Variants in SORBS2 observed in about 807,000 individuals in gnomAD.
SORBS2 encodes sorbin and SH3 domain containing 2.
Under a neutral mutation model 97.7 loss-of-function variants are expected in SORBS2, and 46 were observed. The ratio of observed to expected loss-of-function variants is 0.47; its 90% CI spans 0.37 to 0.60. The LOEUF is 0.60. Among genes scored for constraint, SORBS2 ranks in the 20% least tolerant of loss-of-function variants. SORBS2 has a pLI of 0.00. For synonymous variants in SORBS2, 476 were observed against 473.4 expected (o/e 1.01, Z -0.07); for missense variants, 1,316 against 1,282.3 (o/e 1.03, Z -0.40).
At chr4:185,883,420 A>T (rs544115633) in intron 1 of SORBS2, among the ~76,000 whole-genome samples, 5 of 152,332 alleles carry the variant, frequency 3.3e-5, no homozygotes, top group Non-Finnish European at 7.3e-5. Flanking sequence ...TTCTCATAAC[A>T]CTGCTTGTGG....
At chr4:185,729,548 G>A (rs1480689258) in intron 2 of SORBS2, among the ~76,000 whole-genome samples, 7 of 152,192 alleles carry the variant, frequency 4.6e-5, no homozygotes, top group Non-Finnish European at 2.9e-5. Flanking sequence ...CTGTGTACTC[G>A]AGGTCAGTTA....
At chr4:185,656,520 AG>A in intron 1 of SORBS2, 1 of 778,398 alleles carries the variant, frequency 1.3e-6, no homozygotes. Flanking sequence ...TCTGCATTCC[AG>A]GGGAGCAGCT....
At position 185,752,696 on chromosome 4, in the gene SORBS2, A is replaced by G. The variant is rs147818594; in HGVS notation, c.-198+22531T>C. Among the ~76,000 whole-genome samples, 4 of 152,380 alleles carry G rather than the reference A, an allele frequency of 2.6e-5. No individual in the cohort carries two copies. In the East Asian group the frequency reaches 7.7e-4, roughly 29 times the overall value. On this transcript the variant is annotated intron_variant, in intron 2 of 20. Transcript: ENST00000284776. ...TGACATGCTAAGCACAGTCCTTTAC[A>G]GAAATAATTCAGATAGAATAAGTGG...
At chr4:185,630,621 C>A (rs1373647379) in intron 4 of SORBS2, 23 bp from the exon 17 acceptor site, 1 of 1,544,956 alleles carries the variant, frequency 6.5e-7, no homozygotes, top group African/African-American at 1.4e-5. Flanking sequence ...GATAATAGTA[C>A]CATGAAAAAT....
intron 2 of SORBS2, among the ~76,000 whole-genome samples, chr4:185,688,489 T>G (rs1228231587): frequency 7.2e-6 from 1 of 139,418 alleles, no homozygotes; most frequent in East Asian, 2.0e-4. Context: ...TCTATCTGTC[T>G]ATTGATAGAT....
chr4:185,724,145 G>T (rs1460647057), intron 2 of SORBS2, among the ~76,000 whole-genome samples: 1 of 152,070 alleles, frequency 6.6e-6, no homozygotes, highest in Non-Finnish European at 1.5e-5. Context: ...AAGAAGCTTA[G>T]TATGAAAAAG....
At chr4:185,702,905 A>G (rs2098285215) in intron 2 of SORBS2, among the ~76,000 whole-genome samples, 1 of 152,218 alleles carries the variant, frequency 6.6e-6, no homozygotes, top group Non-Finnish European at 1.5e-5. Context: ...TGCTACTGTC[A>G]TGATTGTACA....
chr4:185,651,791 G>T, intron 2 of SORBS2: 1 of 1,505,096 alleles, frequency 6.6e-7, no homozygotes, highest in Non-Finnish European at 9.2e-7. Flanking sequence ...TACCTGCATT[G>T]TATGTATAAG....
intron 1 of SORBS2, among the ~76,000 whole-genome samples, chr4:185,920,377 T>C (rs767896136): frequency 4.6e-5 from 7 of 152,178 alleles, no homozygotes; most frequent in Non-Finnish European, 1.0e-4. Context: ...TCCAGTCATA[T>C]ATTACACATC....
intron 1 of SORBS2, chr4:185,656,601 G>C: frequency 6.5e-7 from 1 of 1,534,702 alleles, no homozygotes; most frequent in Non-Finnish European, 8.8e-7. Flanking sequence ...TCCCCGCATG[G>C]CCCCCAACTT....
intron 1 of SORBS2, among the ~76,000 whole-genome samples, chr4:185,857,369 T>A (rs2099221076): frequency 6.6e-6 from 1 of 152,216 alleles, no homozygotes; most frequent in Non-Finnish European, 1.5e-5. Context: ...CTTAATCCCA[T>A]CATCTTCGTA....
At chr4:185,863,759 C>T (rs2099225232) in intron 1 of SORBS2, among the ~76,000 whole-genome samples, 1 of 152,150 alleles carries the variant, frequency 6.6e-6, no homozygotes, top group South Asian at 2.1e-4. Flanking sequence ...GAAAAATCAG[C>T]TTGTCCATTT....
In SORBS2 at chr4:185,621,284, GATCATAA is replaced by G. The variant is rs1361910771; in HGVS notation, c.2216-1140_2216-1134del. On this transcript the variant is annotated intron_variant, in intron 7 of 14. Coordinates refer to ENST00000418609, the Ensembl canonical transcript of SORBS2. ...TTTTATGATCATAGGGCCTCATAAT[GATCATAA>G]ATTTTAAATTACTTTTTCTAACCCA... Among the ~76,000 whole-genome samples the G allele has an allele frequency of 3.9e-5, 6 of 152,230 alleles. 1 individual carries two copies. In the South Asian group the frequency reaches 1.0e-3, roughly 26 times the overall value.
At chr4:185,871,345 A>G (rs1391924889) in intron 1 of SORBS2, among the ~76,000 whole-genome samples, 1 of 152,236 alleles carries the variant, frequency 6.6e-6, no homozygotes, top group African/African-American at 2.4e-5. Context: ...GAAAATACAA[A>G]TCAGCAAAAG....
intron 5 of SORBS2, 100 bp from the exon 18 acceptor site, chr4:185,627,119 T>C: frequency 1.1e-6 from 1 of 942,848 alleles, no homozygotes; most frequent in Non-Finnish European, 1.7e-6. Context: ...GCGTAACTCC[T>C]AAACCTCTAT....
chr4:185,865,203 A>G (rs1459925120), intron 1 of SORBS2, among the ~76,000 whole-genome samples: 1 of 152,210 alleles, frequency 6.6e-6, no homozygotes, highest in East Asian at 1.9e-4. Flanking sequence ...AATAGTTCAC[A>G]TAAGTTTAGT....
chr4:185,735,241 A>G (rs1232705664), intron 2 of SORBS2, among the ~76,000 whole-genome samples: 1 of 152,066 alleles, frequency 6.6e-6, no homozygotes, highest in Non-Finnish European at 1.5e-5. Context: ...TAATCAGCCT[A>G]TTTCAAGGGA....
At chr4:185,788,250 G>C (rs2099065388) in intron 1 of SORBS2, among the ~76,000 whole-genome samples, 2 of 152,238 alleles carry the variant, frequency 1.3e-5, no homozygotes, top group Admixed American at 1.3e-4. Context: ...TGGAGCAACA[G>C]AAAGAGGTTT....
At chr4:185,784,287 A>G (rs186250367) in intron 1 of SORBS2, among the ~76,000 whole-genome samples, 4,453 of 151,498 alleles carry the variant, frequency 0.029, 221 homozygotes, top group African/African-American at 0.1. Flanking sequence ...ACCTGCCACC[A>G]CTCCCGGCTA....
Sources: gnomAD v4.1 joint callset for allele counts (sites outside exome capture counted in the v4.1 genomes callset) on GRCh38, gnomAD v4.1.1 for gene constraint, MANE v1.5 for transcripts, NCBI Gene and HGNC (gene_info 2026-07-23, HGNC 2026-07-21) for gene names.